Variants in SREK1IP1 observed in about 807,000 individuals in gnomAD.
SREK1IP1 encodes protein SREK1IP1.
Under a neutral mutation model 22.8 loss-of-function variants are expected in SREK1IP1, and 12 were observed. The observed-to-expected ratio is 0.53, with a 90% CI of 0.34 to 0.85. The LOEUF (loss-of-function observed/expected upper bound fraction) is 0.85, where lower values mean the gene tolerates loss of function less well. Among genes scored for constraint, SREK1IP1 ranks in the 40% least tolerant of loss-of-function variants. SREK1IP1 has a pLI of 0.02. For missense variants in SREK1IP1, 147 were observed against 171.8 expected (o/e 0.86, Z 0.81); for synonymous variants, 53 against 52.7 (o/e 1.01, Z -0.02).
intron 1 of SREK1IP1, among the ~76,000 whole-genome samples, chr5:64,766,095 T>C (rs1287996959): frequency 6.6e-6 from 1 of 152,226 alleles, no homozygotes; most frequent in East Asian, 1.9e-4. Context: ...ACACACCATC[T>C]AAGCAGAGTG....
chr5:64,725,034 A>C (rs1263036440), intron 4 of SREK1IP1, among the ~76,000 whole-genome samples: 1 of 152,208 alleles, frequency 6.6e-6, no homozygotes, highest in South Asian at 2.1e-4. Context: ...ATGAAAGCTG[A>C]AAGTTAGCAA....
At chr5:64,743,718 G>A (rs775153650) in intron 2 of SREK1IP1, among the ~76,000 whole-genome samples, 1 of 152,126 alleles carries the variant, frequency 6.6e-6, no homozygotes, top group Non-Finnish European at 1.5e-5. Flanking sequence ...TATATTTTGA[G>A]ACATTAGTAA....
At chr5:64,763,795 G>C (rs992821499) in intron 1 of SREK1IP1, among the ~76,000 whole-genome samples, 1 of 152,206 alleles carries the variant, frequency 6.6e-6, no homozygotes, top group Non-Finnish European at 1.5e-5. Flanking sequence ...CCAATCTTCT[G>C]GCTTTGCTGG....
rs1009353531 is a variant in SREK1IP1 at position 64,754,461 on chromosome 5, G to C, written c.14-99C>G. 5 of 1,256,214 alleles carry C rather than the reference G, an allele frequency of 4.0e-6. No individual in the cohort carries two copies. The South Asian group carries it at 5.2e-5, about 13-fold the overall frequency. The allele number at this position is 1,256,214 out of a possible 1,614,324, so 77.8% of individuals were successfully genotyped here. A position where few individuals can be genotyped will look rare whatever the true frequency, so the allele number is the denominator to read the frequency against. The stretch of plus-strand genomic sequence containing the variant: ...AAGCTAAGAAAAACCATTTGTTATA[G>C]AATTTCTTTTTTTTTGTTGTTGAGA... On this transcript the variant is annotated intron_variant, in intron 1 of 4. Coordinates refer to ENST00000513458, the MANE Select transcript of SREK1IP1 (RefSeq NM_173829.4).
chr5:64,742,345 T>C (rs1742565663), intron 2 of SREK1IP1, among the ~76,000 whole-genome samples: 1 of 152,114 alleles, frequency 6.6e-6, no homozygotes, highest in Non-Finnish European at 1.5e-5. Flanking sequence ...GCTTTCAAGT[T>C]TTCTTAACAA....
intron 2 of SREK1IP1, among the ~76,000 whole-genome samples, chr5:64,744,034 A>G (rs561446371): frequency 2.0e-5 from 3 of 152,294 alleles, no homozygotes; most frequent in African/African-American, 7.2e-5. Flanking sequence ...GCAGCTTCCA[A>G]TAAGATCTCA....
At position 64,722,088 on chromosome 5, in the gene SREK1IP1, C is replaced by A. The variant is rs1309788756; in HGVS notation, c.*2296G>T. 1 of 151,940 alleles carries A rather than the reference C, an allele frequency of 6.6e-6. No individual in the cohort carries two copies. Among genetic ancestry groups the A allele is most frequent in the African/African-American group, 2.4e-5 (1 of 41,350 alleles). The allele number at this position is 151,940 out of a possible 1,614,324, so 9.4% of individuals were successfully genotyped here. ...AAAACATATTCATGAGATTTGCATC[C>A]AATCTCAATAATAATATCATATTAG... On this transcript the variant is annotated 3_prime_UTR_variant, in exon 5 of 5. Coordinates refer to ENST00000513458, the MANE Select transcript of SREK1IP1 (RefSeq NM_173829.4).
At chr5:64,726,088 C>A (rs187986447) in intron 4 of SREK1IP1, among the ~76,000 whole-genome samples, 1 of 151,652 alleles carries the variant, frequency 6.6e-6, no homozygotes, top group East Asian at 2.0e-4. Context: ...CCAGGCTGGT[C>A]TCAAACTCCA....
intron 1 of SREK1IP1, among the ~76,000 whole-genome samples, chr5:64,756,076 TG>T (rs1231156086): frequency 6.6e-6 from 1 of 152,170 alleles, no homozygotes; most frequent in Admixed American, 6.5e-5. Flanking sequence ...ACAGTAATCC[TG>T]TATAATTAGT....
chr5:64,768,216 C>A (rs976205576), intron 1 of SREK1IP1, among the ~76,000 whole-genome samples: 1 of 152,188 alleles, frequency 6.6e-6, no homozygotes, highest in African/African-American at 2.4e-5. Flanking sequence ...CGCTTGCCCC[C>A]TTAGGCCTAC....
chr5:64,754,671 C>T lies in SREK1IP1; in HGVS notation c.14-309G>A, dbSNP rs1235124057. The T allele has an allele frequency of 1.8e-5, 4 of 226,912 alleles. No homozygotes were observed. In the East Asian group the frequency reaches 3.7e-4, roughly 21 times the overall value. 14.1% of individuals were successfully genotyped at this position (226,912 alleles called of 1,614,324 possible). ...GCAGAGATGAGGTTGTGCTTTGTTG[C>T]CCAGGCGATCTCAAACTTCTGGCCT... On this transcript the variant is annotated intron_variant, in intron 1 of 4. Coordinates refer to ENST00000513458, the MANE Select transcript of SREK1IP1 (RefSeq NM_173829.4).
chr5:64,766,958 C>A (rs1478975051), intron 1 of SREK1IP1, among the ~76,000 whole-genome samples: 1 of 152,116 alleles, frequency 6.6e-6, no homozygotes, highest in African/African-American at 2.4e-5. Flanking sequence ...CACTTACCTC[C>A]CATTTGTATT....
At chr5:64,732,435 G>A (rs1055687121) in intron 3 of SREK1IP1, among the ~76,000 whole-genome samples, 21 of 151,962 alleles carry the variant, frequency 1.4e-4, no homozygotes, top group Non-Finnish European at 2.6e-4. Context: ...TATTAGCAAC[G>A]AACATGCAGA....
intron 2 of SREK1IP1, among the ~76,000 whole-genome samples, chr5:64,742,209 T>C (rs1742563802): frequency 6.6e-6 from 1 of 152,148 alleles, no homozygotes; most frequent in Non-Finnish European, 1.5e-5. Flanking sequence ...GAAAATTATA[T>C]TTATTTGCTG....
intron 2 of SREK1IP1, among the ~76,000 whole-genome samples, chr5:64,748,373 G>T (rs1742679775): frequency 6.6e-6 from 1 of 152,122 alleles, no homozygotes; most frequent in South Asian, 2.1e-4. Flanking sequence ...CAGATTTGGG[G>T]CAATGAAAAA....
intron 1 of SREK1IP1, among the ~76,000 whole-genome samples, chr5:64,761,086 C>T (rs1406589096): frequency 6.6e-6 from 1 of 152,100 alleles, no homozygotes; most frequent in East Asian, 1.9e-4. Flanking sequence ...ACATTGCAGA[C>T]TTTCAATAAA....
chr5:64,763,812 C>T (rs1742991996), intron 1 of SREK1IP1, among the ~76,000 whole-genome samples: 1 of 152,190 alleles, frequency 6.6e-6, no homozygotes, highest in South Asian at 2.1e-4. Context: ...CTGGGCCACA[C>T]TGTTTTGGGC....
At chr5:64,748,825 TGTACCTAA>T (rs2112103142) in intron 2 of SREK1IP1, among the ~76,000 whole-genome samples, 1 of 152,270 alleles carries the variant, frequency 6.6e-6, no homozygotes, top group Non-Finnish European at 1.5e-5. Context: ...AGCAGAGGTT[TGTACCTAA>T]GTAATCGGGT....
In SREK1IP1 at chr5:64,761,324, T is replaced by G. The variant is rs968972939; in HGVS notation, c.14-6962A>C. ...TAAGAGGTGCTCAACAAATACTTAT[T>G]GATTTGAGGTTATAAGCTTAAGAAA... On this transcript the variant is annotated intron_variant, in intron 1 of 4. Transcript: ENST00000513458. Among the ~76,000 whole-genome samples the G allele has an allele frequency of 2.6e-5, 4 of 152,338 alleles. No individual in the cohort carries two copies. The East Asian group carries it at 7.7e-4, about 29-fold the overall frequency.
Sources: gnomAD v4.1 joint callset for allele counts (sites outside exome capture counted in the v4.1 genomes callset) on GRCh38, gnomAD v4.1.1 for gene constraint, MANE v1.5 for transcripts, NCBI Gene and HGNC (gene_info 2026-07-23, HGNC 2026-07-21) for gene names.